MAPKAP1: variants seen among roughly 807,000 people sequenced by gnomAD.
MAPKAP1 encodes the protein MAPK associated protein 1.
Under a neutral mutation model 65.7 loss-of-function variants are expected in MAPKAP1, and 20 were observed. The ratio of observed to expected loss-of-function variants is 0.30; its 90% CI spans 0.21 to 0.44. The LOEUF is 0.44. Among genes scored for constraint, MAPKAP1 ranks in the 20% least tolerant of loss-of-function variants. MAPKAP1 has a pLI of 1.00. For synonymous variants in MAPKAP1, 222 were observed against 244.3 expected (o/e 0.91, Z 0.85); for missense variants, 423 against 648.0 (o/e 0.65, Z 3.77).
chr9:125,639,510 G>A (rs375600941), intron 4 of MAPKAP1, among the ~76,000 whole-genome samples: 2 of 152,222 alleles, frequency 1.3e-5, no homozygotes, highest in South Asian at 2.1e-4. Context: ...TATTATATTC[G>A]TTATCATTAA....
intron 10 of MAPKAP1, among the ~76,000 whole-genome samples, chr9:125,456,559 G>A (rs1853169576): frequency 6.6e-6 from 1 of 152,132 alleles, no homozygotes; most frequent in South Asian, 2.1e-4. Flanking sequence ...GAATAATATA[G>A]CAGAAGCGTT....
chr9:125,562,265 G>C (rs890568764), intron 5 of MAPKAP1, among the ~76,000 whole-genome samples: 1 of 152,196 alleles, frequency 6.6e-6, no homozygotes, highest in Non-Finnish European at 1.5e-5. Flanking sequence ...AGATGCAAAA[G>C]GTTCACTGCC....
chr9:125,653,522 G>A (rs1833949915), intron 4 of MAPKAP1, among the ~76,000 whole-genome samples: 1 of 152,164 alleles, frequency 6.6e-6, no homozygotes, highest in African/African-American at 2.4e-5. Context: ...TGAGGGCCTT[G>A]TGACCTGCTT....
intron 6 of MAPKAP1, among the ~76,000 whole-genome samples, chr9:125,553,268 TG>T (rs1207054251): frequency 1.3e-5 from 2 of 152,172 alleles, no homozygotes; most frequent in Non-Finnish European, 2.9e-5. Flanking sequence ...CTGGGCGCGG[TG>T]GCTCATGCCT....
chr9:125,561,685 C>G (rs926163151), intron 5 of MAPKAP1, among the ~76,000 whole-genome samples: 1 of 152,122 alleles, frequency 6.6e-6, no homozygotes, highest in Non-Finnish European at 1.5e-5. Flanking sequence ...TATGTGATTT[C>G]AGAGAATAAG....
At chr9:125,526,548 T>C (rs932078942) in intron 7 of MAPKAP1, among the ~76,000 whole-genome samples, 2 of 152,210 alleles carry the variant, frequency 1.3e-5, no homozygotes, top group African/African-American at 4.8e-5. Flanking sequence ...TTGAAAACGT[T>C]TATAAGAAAC....
Position 125,446,607 on chromosome 9 carries a change from A to C in MAPKAP1, c.1346-2009T>G, listed in dbSNP as rs74450476. Among the ~76,000 whole-genome samples, 206 of 152,284 alleles carry C rather than the reference A, an allele frequency of 1.4e-3. 1 individual carries two copies. The highest frequency in any genetic ancestry group is 4.8e-3 in the African/African-American group (198 of 41,526). ...ACAAGCACAGCCATCTACAAAGGAC[A>C]CAGGGCTGTGAAGGACAAAGAGACA... is the stretch of plus-strand genomic sequence containing the variant. On this transcript the variant is annotated intron_variant, in intron 10 of 11. Coordinates refer to ENST00000265960, the MANE Select transcript of MAPKAP1 (RefSeq NM_001006617.3).
chr9:125,665,113 C>A (rs1193844388), intron 3 of MAPKAP1, among the ~76,000 whole-genome samples: 1 of 152,020 alleles, frequency 6.6e-6, no homozygotes, highest in African/African-American at 2.4e-5. Flanking sequence ...ATCAGCCTGG[C>A]CAACATGACA....
At chr9:125,688,136 A>AT (rs942258391) in intron 1 of MAPKAP1, among the ~76,000 whole-genome samples, 3 of 151,586 alleles carry the variant, frequency 2.0e-5, no homozygotes, top group African/African-American at 7.3e-5. Context: ...AGACTATCTC[A>AT]TTTTTTTTCT....
intron 6 of MAPKAP1, among the ~76,000 whole-genome samples, chr9:125,557,579 T>A (rs916786428): frequency 1.3e-5 from 2 of 152,088 alleles, no homozygotes; most frequent in Non-Finnish European, 2.9e-5. Context: ...TTACAAGGCA[T>A]GATCCTAAGG....
At chr9:125,507,154 G>A (rs1189951153) in intron 7 of MAPKAP1, among the ~76,000 whole-genome samples, 1 of 152,226 alleles carries the variant, frequency 6.6e-6, no homozygotes, top group Non-Finnish European at 1.5e-5. Flanking sequence ...GCATCACATA[G>A]AGGGTTCTTC....
intron 6 of MAPKAP1, among the ~76,000 whole-genome samples, chr9:125,548,410 G>A (rs114611907): frequency 0.011 from 1,658 of 152,284 alleles, 38 homozygotes; most frequent in African/African-American, 0.037. Flanking sequence ...GTCTCAAAAC[G>A]CAAACATCAT....
At chr9:125,530,628 T>C (rs527981387) in intron 7 of MAPKAP1, among the ~76,000 whole-genome samples, 2 of 152,244 alleles carry the variant, frequency 1.3e-5, no homozygotes, top group Non-Finnish European at 2.9e-5. Flanking sequence ...ATGGTTCACT[T>C]ATTAGTAAAA....
At chr9:125,440,050 T>G (rs2132913575) in intron 11 of MAPKAP1, among the ~76,000 whole-genome samples, 1 of 152,280 alleles carries the variant, frequency 6.6e-6, no homozygotes, top group East Asian at 1.9e-4. Flanking sequence ...TCCCTGGAAC[T>G]GCGAGAGCTT....
chr9:125,549,675 G>A (rs915552230), intron 6 of MAPKAP1, among the ~76,000 whole-genome samples: 16 of 152,170 alleles, frequency 1.1e-4, no homozygotes, highest in African/African-American at 3.9e-4. Flanking sequence ...TTCTCCTTGT[G>A]TATCTTTGCC....
At chr9:125,470,311 T>C (rs781050235) in intron 9 of MAPKAP1, among the ~76,000 whole-genome samples, 1 of 152,210 alleles carries the variant, frequency 6.6e-6, no homozygotes, top group Admixed American at 6.5e-5. Context: ...TGTTGATTTA[T>C]TGCCGTACTG....
At chr9:125,589,145 A>T (rs147153900) in intron 4 of MAPKAP1, among the ~76,000 whole-genome samples, 1 of 152,172 alleles carries the variant, frequency 6.6e-6, no homozygotes, top group African/African-American at 2.4e-5. Flanking sequence ...CCTACCTATC[A>T]TAAGACCCTT....
intron 8 of MAPKAP1, among the ~76,000 whole-genome samples, chr9:125,498,451 A>G (rs1221986541): frequency 1.3e-5 from 2 of 152,244 alleles, no homozygotes; most frequent in African/African-American, 4.8e-5. Flanking sequence ...TAGGGTAGCC[A>G]TGAAAATTGA....
intron 10 of MAPKAP1, among the ~76,000 whole-genome samples, chr9:125,449,977 C>T (rs1263028265): frequency 1.3e-5 from 2 of 152,000 alleles, no homozygotes; most frequent in Non-Finnish European, 2.9e-5. Flanking sequence ...GGCTGGAGTG[C>T]AGTGGTGACA....
Sources: gnomAD v4.1 joint callset for allele counts (sites outside exome capture counted in the v4.1 genomes callset) on GRCh38, gnomAD v4.1.1 for gene constraint, MANE v1.5 for transcripts, NCBI Gene and HGNC (gene_info 2026-07-23, HGNC 2026-07-21) for gene names.